ARHGAP44: variants seen among roughly 807,000 people sequenced by gnomAD.
ARHGAP44 encodes the protein Rho GTPase activating protein 44.
ARHGAP44 carries 43 observed loss-of-function variants against 106.8 expected under a neutral mutation model. The observed-to-expected ratio is 0.40, with a 90% CI of 0.32 to 0.52. ARHGAP44 has a LOEUF of 0.52. Ranked by LOEUF, ARHGAP44 falls within the 20% of genes least tolerant of loss-of-function variation. The pLI, the probability that ARHGAP44 is intolerant of heterozygous loss-of-function variation, is 0.48. For missense variants in ARHGAP44, 866 were observed against 1,050.5 expected (o/e 0.82, Z 2.43); for synonymous variants, 439 against 410.3 (o/e 1.07, Z -0.85).
chr17:12,944,163 G>T lies in ARHGAP44; in HGVS notation c.828G>T (p.Val276=). The change falls in exon 10 of 21, where the codon GTG becomes GTT. Residue 276 remains valine (V), a synonymous_variant. Transcript: ENST00000379672. ...REIAFPIEAC[V]TMLLECGMQE... ...TCGCCTTCCCCATCGAGGCGTGTGT[G>T]ACCATGCTGCTTGAGTGTGGGATGC... 1 of 1,611,960 alleles carries T rather than the reference G, an allele frequency of 6.2e-7. No homozygotes were observed.
chr17:12,824,197 C>G (rs1204361222), intron 1 of ARHGAP44, among the ~76,000 whole-genome samples: 1 of 152,078 alleles, frequency 6.6e-6, no homozygotes, highest in Non-Finnish European at 1.5e-5. Flanking sequence ...GGATGACTCT[C>G]AAACTTAATT....
At chr17:12,851,773 T>A (rs2035749784) in intron 1 of ARHGAP44, among the ~76,000 whole-genome samples, 1 of 152,032 alleles carries the variant, frequency 6.6e-6, no homozygotes, top group African/African-American at 2.4e-5. Flanking sequence ...AGAGGCTGTG[T>A]CTCCACTCCC....
At position 12,843,959 on chromosome 17, in the gene ARHGAP44, C is replaced by T. The variant is rs188450510; in HGVS notation, c.54-50981C>T. The stretch of plus-strand genomic sequence containing the variant: ...GGCATGAGCCACCATGCCTGGCCTA[C>T]TTTTTGTTTTAGTAGTAAGTCTTGA... On this transcript the variant is annotated intron_variant, in intron 1 of 20. Coordinates refer to ENST00000379672, the MANE Select transcript of ARHGAP44 (RefSeq NM_014859.6). Among the ~76,000 whole-genome samples, 204 of 152,112 alleles carry T rather than the reference C, an allele frequency of 1.3e-3. No homozygotes were observed. The Middle Eastern group carries it at 0.02, about 15-fold the overall frequency.
At chr17:12,938,563 C>A (rs1330196797) in intron 7 of ARHGAP44, among the ~76,000 whole-genome samples, 1 of 122,426 alleles carries the variant, frequency 8.2e-6, no homozygotes. Flanking sequence ...AGTTCTGGGA[C>A]ATTTGGTTAG....
chr17:12,973,847 C>T (rs2039591664), intron 17 of ARHGAP44: 3 of 581,884 alleles, frequency 5.2e-6, no homozygotes, highest in Non-Finnish European at 9.1e-6. Context: ...CTGTGCCCTG[C>T]TCCTTGCCTC....
chr17:12,816,585 C>T (rs1323644755), intron 1 of ARHGAP44, among the ~76,000 whole-genome samples: 1 of 152,026 alleles, frequency 6.6e-6, no homozygotes, highest in Non-Finnish European at 1.5e-5. Flanking sequence ...AGCAAGCTTG[C>T]TCAATTCAAA....
rs1322041503 is a variant in ARHGAP44, at chr17:12,961,520, A to C, written c.1523+2623A>C. 5.9e-5 allele frequency among the ~76,000 whole-genome samples: 9 copies of C among 152,310 alleles called. No homozygotes were observed. In the East Asian group the frequency reaches 1.7e-3, roughly 29 times the overall value. ...GAGGCCAAGGCAGGTGGATCACCTG[A>C]GCTTGGGAGTTCGAGACCAGCCTGA... On this transcript the variant is annotated intron_variant, in intron 16 of 20. Coordinates refer to ENST00000379672, the MANE Select transcript of ARHGAP44 (RefSeq NM_014859.6).
intron 3 of ARHGAP44, among the ~76,000 whole-genome samples, chr17:12,896,772 C>T (rs1385051411): frequency 1.3e-5 from 2 of 152,200 alleles, no homozygotes; most frequent in African/African-American, 4.8e-5. Context: ...CAGCTTGGAG[C>T]AACTGGGAAG....
At chr17:12,902,875 A>G (rs1054823081) in intron 3 of ARHGAP44, among the ~76,000 whole-genome samples, 11 of 152,174 alleles carry the variant, frequency 7.2e-5, no homozygotes, top group Non-Finnish European at 1.3e-4. Flanking sequence ...GCCTTGTGCA[A>G]TGTTAACTTA....
chr17:12,795,157 A>G (rs1169481314), intron 1 of ARHGAP44, among the ~76,000 whole-genome samples: 1 of 152,236 alleles, frequency 6.6e-6, no homozygotes, highest in Non-Finnish European at 1.5e-5. Context: ...CGTCCCCCAA[A>G]GAGCGCTGTG....
At chr17:12,868,023 G>A (rs2036284002) in intron 1 of ARHGAP44, among the ~76,000 whole-genome samples, 1 of 152,234 alleles carries the variant, frequency 6.6e-6, no homozygotes, top group African/African-American at 2.4e-5. Context: ...GTGGATGAGG[G>A]AGGTGAAGAA....
intron 17 of ARHGAP44, 169 bp from the exon 18 acceptor site, chr17:12,973,920 A>T: frequency 1.4e-6 from 1 of 732,574 alleles, no homozygotes; most frequent in Admixed American, 2.3e-5. Context: ...CGCCGGGAGC[A>T]GCCAGGGTGC....
At chr17:12,939,128 A>G (rs1177174132) in intron 7 of ARHGAP44, among the ~76,000 whole-genome samples, 3 of 152,160 alleles carry the variant, frequency 2.0e-5, no homozygotes, top group Non-Finnish European at 4.4e-5. Flanking sequence ...GACAGGGTTG[A>G]TTCCCACCTT....
Position 12,984,732 on chromosome 17 carries a change from C to T in ARHGAP44, c.2141C>T (p.Ala714Val), listed in dbSNP as rs2039916554. ...QLSPAAAPPL[A>V]SPSVFTSTLS... is the part of the protein sequence containing the mutation. Reference sequence around the variant, plus strand: ...TCCCCAGCTGCAGCTCCTCCCCTGGCCTCTCCTTCTGTCTTTACAAGCACT... The same window carrying T: ...TCCCCAGCTGCAGCTCCTCCCCTGGTCTCTCCTTCTGTCTTTACAAGCACT... Residue 714 changes from alanine to valine, a missense_variant, in exon 20 of 21, where the codon GCC (alanine) becomes GTC (valine). Physicochemically the swap from Ala to Val is moderately conservative, Grantham distance 64. This residue lies in a region of ARHGAP44 where 418 missense variants were observed against 403.6 expected (regional missense o/e 1.04). Transcript: ENST00000379672. 1.9e-6 allele frequency: 3 copies of T among 1,613,784 alleles called. No homozygotes were observed. The highest frequency in any genetic ancestry group is 3.3e-5 in the Admixed American group (2 of 59,986).
chr17:12,864,772 C>G (rs956894488), intron 1 of ARHGAP44, among the ~76,000 whole-genome samples: 1 of 151,946 alleles, frequency 6.6e-6, no homozygotes, highest in African/African-American at 2.4e-5. Flanking sequence ...AATTAGCATG[C>G]AAAAAAATAA....
intron 1 of ARHGAP44, among the ~76,000 whole-genome samples, chr17:12,864,560 A>G (rs1264401781): frequency 6.6e-6 from 1 of 152,086 alleles, no homozygotes; most frequent in East Asian, 1.9e-4. Context: ...TTGTTCTACC[A>G]CTCAACACAA....
chr17:12,882,853 T>A (rs754505611), intron 1 of ARHGAP44, among the ~76,000 whole-genome samples: 3 of 152,116 alleles, frequency 2.0e-5, no homozygotes, highest in Non-Finnish European at 4.4e-5. Context: ...GGTCTATAAT[T>A]TTCTTTATAC....
At position 12,844,673 on chromosome 17, in the gene ARHGAP44, T is replaced by C. The variant is rs542419060; in HGVS notation, c.54-50267T>C. On this transcript the variant is annotated intron_variant, in intron 1 of 20. Coordinates refer to ENST00000379672, the MANE Select transcript of ARHGAP44 (RefSeq NM_014859.6). ...GCTCCCCTTCATGGTGTAGAATATG[T>C]CTTGTCCTTAAGCAAAAAGCTGGAT... Among the ~76,000 whole-genome samples, 9 of 152,354 alleles carry C rather than the reference T, an allele frequency of 5.9e-5. No homozygotes were observed. The South Asian group carries it at 8.3e-4, about 14-fold the overall frequency.
intron 16 of ARHGAP44, among the ~76,000 whole-genome samples, chr17:12,960,179 ATTG>A (rs1470981353): frequency 6.6e-6 from 1 of 152,026 alleles, no homozygotes; most frequent in Non-Finnish European, 1.5e-5. Context: ...GCTGGTGTTT[ATTG>A]TTCTCCACTT....
Sources: gnomAD v4.1 joint callset for allele counts (sites outside exome capture counted in the v4.1 genomes callset) on GRCh38, gnomAD v4.1.1 for gene constraint, gnomAD v4.1.1 regional missense constraint, MANE v1.5 for transcripts, NCBI Gene and HGNC (gene_info 2026-07-23, HGNC 2026-07-21) for gene names.